CFTR: variants seen among roughly 807,000 people sequenced by gnomAD.
CFTR encodes the protein cystic fibrosis transmembrane conductance regulator.
A neutral mutation model predicts 171.6 loss-of-function variants in CFTR; 181 were observed. That is an observed-to-expected ratio of 1.05 (90% CI 0.93 to 1.19). CFTR has a LOEUF of 1.19. Ranked by LOEUF, CFTR falls within the 50% of genes most tolerant of loss-of-function variation. The pLI is 0.00. For synonymous variants in CFTR, 583 were observed against 608.0 expected, an observed-to-expected ratio of 0.96 and a Z score of 0.60; for missense variants, 1,968 against 1,734.7, an observed-to-expected ratio of 1.13 and a Z score of -2.39.
intron 14 of CFTR, among the ~76,000 whole-genome samples, chr7:117,592,933 A>G (rs528753471): frequency 6.6e-6 from 1 of 152,358 alleles, no homozygotes; most frequent in Admixed American, 6.5e-5. Context: ...ACTATAAGTT[A>G]GAAAGCATTT....
Position 117,535,181 on chromosome 7 carries a change from A to G in CFTR, c.580-67A>G, listed in dbSNP as rs749111301. 33 of 1,534,790 alleles carry G rather than the reference A, an allele frequency of 2.2e-5. No individual in the cohort carries two copies. The East Asian group carries it at 2.9e-4, about 14-fold the overall frequency. On this transcript the variant is annotated intron_variant, in intron 5 of 26. Transcript: ENST00000003084. ...TCCTTTTACTTGCTTTCTTTCATAT[A>G]TGATTGTTAGTTTCTAGGGGTGGAA...
chr7:117,640,162 A>T (rs768270854), intron 22 of CFTR, among the ~76,000 whole-genome samples: 15 of 152,140 alleles, frequency 9.9e-5, no homozygotes, highest in Non-Finnish European at 1.8e-4. Flanking sequence ...TGCGGGAAGT[A>T]CTCTAGCCTT....
At chr7:117,623,349 C>G (rs1167890909) in intron 21 of CFTR, among the ~76,000 whole-genome samples, 2 of 152,332 alleles carry the variant, frequency 1.3e-5, no homozygotes, top group East Asian at 3.9e-4. Flanking sequence ...TCCCTCGATC[C>G]TCCTTGGACA....
intron 6 of CFTR, 75 bp downstream of exon 6, chr7:117,535,486 C>A: frequency 8.1e-7 from 1 of 1,232,170 alleles, no homozygotes; most frequent in Non-Finnish European, 1.2e-6. Context: ...AAAACCAGGA[C>A]TGCTCTATGC....
intron 22 of CFTR, among the ~76,000 whole-genome samples, chr7:117,628,827 TCATATCAGTGAATAC>T (rs1792694707): frequency 6.6e-6 from 1 of 152,222 alleles, no homozygotes; most frequent in South Asian, 2.1e-4. Context: ...CCATAGGTAT[TCATATCAGTGAATAC>T]CATAGGTAGC....
rs34171310 is a variant in CFTR at position 117,496,692 on chromosome 7, C to T, written c.54-7561C>T. On this transcript the variant is annotated intron_variant, in intron 1 of 26. Transcript: ENST00000003084. ...TTCCTTTCTTTTGGGCATATACCTA[C>T]GAGTGTAATGGATGGGCCATATAGT... Among the ~76,000 whole-genome samples the T allele has an allele frequency of 3.8e-3, 574 of 152,276 alleles. 5 individuals are homozygous for T. The highest frequency in any genetic ancestry group is 1.0e-2 in the African/African-American group (415 of 41,560).
At chr7:117,548,049 T>C (rs1799191996) in intron 9 of CFTR, among the ~76,000 whole-genome samples, 1 of 152,218 alleles carries the variant, frequency 6.6e-6, no homozygotes, top group Admixed American at 6.5e-5. Context: ...TCTTCGTAGC[T>C]ACTTTTGTGA....
At chr7:117,610,077 TC>T (rs1792358400) in intron 18 of CFTR, among the ~76,000 whole-genome samples, 3 of 151,700 alleles carry the variant, frequency 2.0e-5, no homozygotes. Context: ...TGAGTTCATG[TC>T]CTTTGTAGGG....
intron 21 of CFTR, among the ~76,000 whole-genome samples, chr7:117,622,913 T>C (rs918278301): frequency 6.6e-6 from 1 of 152,178 alleles, no homozygotes; most frequent in Non-Finnish European, 1.5e-5. Context: ...AGCTATCTTT[T>C]TGTCAAGACT....
chr7:117,632,351 C>T (rs1309320579), intron 22 of CFTR, among the ~76,000 whole-genome samples: 2 of 151,828 alleles, frequency 1.3e-5, no homozygotes, highest in Non-Finnish European at 2.9e-5. Context: ...ATCACTTGAG[C>T]CCTGGAGTTC....
intron 3 of CFTR, among the ~76,000 whole-genome samples, chr7:117,523,064 T>C (rs751146623): frequency 2.6e-5 from 4 of 152,236 alleles, no homozygotes; most frequent in Non-Finnish European, 5.9e-5. Context: ...CATTTTAGTT[T>C]GTAAACATGC....
intron 1 of CFTR, among the ~76,000 whole-genome samples, chr7:117,491,870 T>C (rs1798164897): frequency 6.6e-6 from 1 of 152,048 alleles, no homozygotes; most frequent in Non-Finnish European, 1.5e-5. Flanking sequence ...TAACACTCTT[T>C]AGGAGCAGAA....
At chr7:117,619,779 C>T (rs535176783) in intron 21 of CFTR, among the ~76,000 whole-genome samples, 2 of 152,166 alleles carry the variant, frequency 1.3e-5, no homozygotes, top group Non-Finnish European at 2.9e-5. Flanking sequence ...GTCTGCAAGG[C>T]TTGTGGATAG....
chr7:117,494,411 G>A (rs1798207052), intron 1 of CFTR, among the ~76,000 whole-genome samples: 2 of 142,768 alleles, frequency 1.4e-5, no homozygotes, highest in Non-Finnish European at 3.0e-5. Context: ...TTTGCCTGTA[G>A]TGGTTCATGC....
intron 17 of CFTR, among the ~76,000 whole-genome samples, chr7:117,604,308 A>G (rs1272663255): frequency 6.6e-6 from 1 of 152,218 alleles, no homozygotes; most frequent in Admixed American, 6.5e-5. Flanking sequence ...AAGTCAGAGT[A>G]GCAGAATAAA....
chr7:117,637,296 G>C (rs1792841283), intron 22 of CFTR, among the ~76,000 whole-genome samples: 1 of 151,748 alleles, frequency 6.6e-6, no homozygotes. Context: ...TGGGTAAAAG[G>C]AACTGTAGTA....
At chr7:117,562,087 G>A (rs1260755218) in intron 11 of CFTR, among the ~76,000 whole-genome samples, 3 of 152,138 alleles carry the variant, frequency 2.0e-5, no homozygotes, top group Non-Finnish European at 2.9e-5. Flanking sequence ...CTAACACAAC[G>A]TCTTGTACAA....
intron 23 of CFTR, among the ~76,000 whole-genome samples, chr7:117,648,001 G>A (rs750348159): frequency 2.0e-5 from 3 of 146,930 alleles, no homozygotes; most frequent in Non-Finnish European, 3.0e-5. Context: ...AACTATACAC[G>A]GAGTGTGTGT....
rs34654194 is a variant in CFTR, at chr7:117,503,664, A to G, written c.54-589A>G. On this transcript the variant is annotated intron_variant, in intron 1 of 26. Coordinates refer to ENST00000003084, the MANE Select transcript of CFTR (RefSeq NM_000492.4). ...CTGCTATGGAGTGAGGAGACAAAAC[A>G]TAAGAAAGTTATGATCCTACCCTCA... 0.068 allele frequency among the ~76,000 whole-genome samples: 10,307 copies of G among 152,260 alleles called. 380 individuals carry two copies. Among genetic ancestry groups the G allele is most frequent in the Middle Eastern group, 0.11 (32 of 294 alleles).
Sources: allele counts gnomAD v4.1 joint callset (sites outside exome capture counted in the v4.1 genomes callset), GRCh38; gene constraint gnomAD v4.1.1; transcripts MANE v1.5; gene names NCBI Gene and HGNC (gene_info 2026-07-23, HGNC 2026-07-21).